The following CRADD variants were observed in gnomAD, a reference collection of about 807,000 sequenced individuals.
CRADD encodes death domain-containing protein CRADD.
In CRADD, 9 loss-of-function variants were observed where a neutral mutation model predicts 15.5. That is an observed-to-expected ratio of 0.58 (90% CI 0.35 to 1.01). The LOEUF is 1.01. CRADD is among the 50% of genes least tolerant of loss of function. The probability of loss-of-function intolerance (pLI) is 0.02; values close to 1 mark genes in which losing one functional copy is unlikely to be tolerated. For synonymous variants in CRADD, 118 were observed against 107.6 expected (o/e 1.10, Z -0.60); for missense variants, 227 against 250.3 (o/e 0.91, Z 0.63).
At chr12:93,778,014 T>G (rs1957158559) in intron 2 of CRADD, among the ~76,000 whole-genome samples, 1 of 152,230 alleles carries the variant, frequency 6.6e-6, no homozygotes, top group Non-Finnish European at 1.5e-5. Context: ...GGGTGGCTAC[T>G]GCTTGTTTAC....
intron 2 of CRADD, among the ~76,000 whole-genome samples, chr12:93,838,371 C>T (rs983234412): frequency 6.6e-6 from 1 of 151,828 alleles, no homozygotes; most frequent in Non-Finnish European, 1.5e-5. Context: ...CCCCGCCCTA[C>T]CCCTGACCTC....
chr12:93,731,926 C>G (rs994864909), intron 2 of CRADD, among the ~76,000 whole-genome samples: 6 of 152,058 alleles, frequency 3.9e-5, no homozygotes, highest in Admixed American at 3.9e-4. Flanking sequence ...CACCTGAGGT[C>G]GGGAGTTCGA....
intron 2 of CRADD, among the ~76,000 whole-genome samples, chr12:93,703,359 CTTTT>C (rs34708379): frequency 2.2e-5 from 3 of 136,490 alleles, no homozygotes; most frequent in Non-Finnish European, 3.2e-5. Flanking sequence ...TTTTCTTTTT[CTTTT>C]TTTTTTTTTT....
At chr12:93,702,361 A>C (rs924355408) in intron 2 of CRADD, among the ~76,000 whole-genome samples, 6 of 151,940 alleles carry the variant, frequency 3.9e-5, no homozygotes, top group South Asian at 2.1e-4. Context: ...GAGAAAAAAA[A>C]CCATCACTTC....
intron 2 of CRADD, among the ~76,000 whole-genome samples, chr12:93,684,331 C>T (rs1955386006): frequency 6.6e-6 from 1 of 152,188 alleles, no homozygotes; most frequent in African/African-American, 2.4e-5. Context: ...TATTACCAGG[C>T]ATTAGATTCT....
chr12:93,783,230 A>ATTG (rs1008797037), intron 2 of CRADD, among the ~76,000 whole-genome samples: 3 of 19,294 alleles, frequency 1.6e-4, no homozygotes, highest in Non-Finnish European at 3.6e-4. Flanking sequence ...AGGTATAGGT[A>ATTG]TTATTATTAT....
intron 2 of CRADD, among the ~76,000 whole-genome samples, chr12:93,828,919 CA>C (rs1302927928): frequency 6.6e-6 from 1 of 151,962 alleles, no homozygotes; most frequent in Non-Finnish European, 1.5e-5. Context: ...TTGAGCTTTC[CA>C]GGGGGATGTG....
intron 2 of CRADD, among the ~76,000 whole-genome samples, chr12:93,866,584 G>A (rs796670114): frequency 6.6e-6 from 1 of 151,992 alleles, no homozygotes; most frequent in South Asian, 2.1e-4. Context: ...CATGTTAGAG[G>A]CTTTCTTTAA....
chr12:93,862,032 C>G (rs762138757), intron 2 of CRADD, among the ~76,000 whole-genome samples: 1 of 152,172 alleles, frequency 6.6e-6, no homozygotes, highest in Non-Finnish European at 1.5e-5. Flanking sequence ...TTCTCCTGCA[C>G]AAGCTCTCTT....
At chr12:93,693,249 C>T (rs906709491) in intron 2 of CRADD, among the ~76,000 whole-genome samples, 1 of 152,062 alleles carries the variant, frequency 6.6e-6, no homozygotes, top group Non-Finnish European at 1.5e-5. Flanking sequence ...TCATTAATTA[C>T]CTTGAATGTA....
intron 2 of CRADD, among the ~76,000 whole-genome samples, chr12:93,781,461 T>A (rs1218982755): frequency 6.6e-6 from 1 of 152,174 alleles, no homozygotes; most frequent in Non-Finnish European, 1.5e-5. Context: ...TAGCATCTAA[T>A]GAAGTAATGG....
At chr12:93,734,618 A>G (rs1335074725) in intron 2 of CRADD, among the ~76,000 whole-genome samples, 1 of 152,194 alleles carries the variant, frequency 6.6e-6, no homozygotes, top group African/African-American at 2.4e-5. Context: ...TGCTCTTAGA[A>G]TGAGATTTGA....
At chr12:93,717,929 G>A (rs888731399) in intron 2 of CRADD, among the ~76,000 whole-genome samples, 5 of 152,120 alleles carry the variant, frequency 3.3e-5, no homozygotes, top group South Asian at 2.1e-4. Flanking sequence ...TTTGTTGAAC[G>A]GACTGTCTTT....
At chr12:93,816,375 C>T (rs1046058185) in intron 2 of CRADD, among the ~76,000 whole-genome samples, 18 of 85,232 alleles carry the variant, frequency 2.1e-4, no homozygotes, top group African/African-American at 9.3e-4. Context: ...TGCCGTGATG[C>T]CTGGCTAATT....
intron 2 of CRADD, among the ~76,000 whole-genome samples, chr12:93,803,871 A>G (rs937524366): frequency 2.0e-5 from 3 of 152,126 alleles, no homozygotes; most frequent in Non-Finnish European, 2.9e-5. Flanking sequence ...ACAAGAAAAC[A>G]TTGGAAAAGG....
At chr12:93,693,832 T>A (rs138532486) in intron 2 of CRADD, among the ~76,000 whole-genome samples, 8 of 152,114 alleles carry the variant, frequency 5.3e-5, no homozygotes, top group African/African-American at 1.9e-4. Context: ...GGATATTGAG[T>A]CAGTAATACA....
At chr12:93,889,218 T>C (rs1018177775) in intron 2 of CRADD, among the ~76,000 whole-genome samples, 5 of 152,290 alleles carry the variant, frequency 3.3e-5, no homozygotes, top group Middle Eastern at 3.4e-3. Context: ...AAACAGGACA[T>C]TCATTAACAT....
chr12:93,778,538 T>C (rs1957164324), intron 2 of CRADD, among the ~76,000 whole-genome samples: 1 of 152,208 alleles, frequency 6.6e-6, no homozygotes, highest in African/African-American at 2.4e-5. Context: ...GGGAAAACTT[T>C]GGTATGCTTA....
At chr12:93,852,565 G>A (rs1215348359), downstream of CRADD, among the ~76,000 whole-genome samples, 3 of 152,234 alleles carry the variant, frequency 2.0e-5, no homozygotes, top group Non-Finnish European at 4.4e-5. Context: ...GATTTGCAGA[G>A]TGGAAGAACA....
Sources: gnomAD v4.1 joint callset for allele counts (sites outside exome capture counted in the v4.1 genomes callset) on GRCh38, gnomAD v4.1.1 for gene constraint, MANE v1.5 for transcripts, NCBI Gene and HGNC (gene_info 2026-07-23, HGNC 2026-07-21) for gene names.